MICAL2: variants seen among roughly 807,000 people sequenced by gnomAD.
MICAL2 encodes [F-actin]-monooxygenase MICAL2.
Under a neutral mutation model 127.3 loss-of-function variants are expected in MICAL2, and 77 were observed. The observed-to-expected ratio is 0.60, with a 90% CI of 0.50 to 0.73. The LOEUF (loss-of-function observed/expected upper bound fraction) is 0.73, where lower values mean the gene tolerates loss of function less well. Ranked by LOEUF, MICAL2 falls within the 30% of genes least tolerant of loss-of-function variation. The pLI is 0.00. For synonymous variants in MICAL2, 570 were observed against 551.1 expected (o/e 1.03, Z -0.48); for missense variants, 1,351 against 1,434.4 (o/e 0.94, Z 0.94).
At chr11:12,261,229 G>A (rs578017015) in intron 26 of MICAL2, 40 of 985,516 alleles carry the variant, frequency 4.1e-5, no homozygotes, top group East Asian at 1.1e-4. Context: ...TAGCTGCTCC[G>A]CTGCCACACA....
At chr11:12,293,987 G>A (rs778452719), downstream of MICAL2, 20 of 1,614,066 alleles carry the variant, frequency 1.2e-5, no homozygotes, top group Non-Finnish European at 1.7e-5. Context: ...CCTCACTCAG[G>A]AGCAGAAGAC....
At chr11:12,118,464 C>T (rs1196821206) in intron 1 of MICAL2, among the ~76,000 whole-genome samples, 2 of 152,188 alleles carry the variant, frequency 1.3e-5, no homozygotes, top group Non-Finnish European at 2.9e-5. Flanking sequence ...GAAGAAGCAA[C>T]CAGGATGTAA....
At chr11:12,358,486 C>CCGTA, downstream of MICAL2, 1 of 1,612,222 alleles carries the variant, frequency 6.2e-7, no homozygotes, top group East Asian at 2.2e-5. Context: ...TTGAGGAGGC[C>CCGTA]CGTAGTCCCT....
intron 16 of MICAL2, 145 bp from the exon 17 acceptor site, chr11:12,239,291 G>A (rs986463554): frequency 8.6e-6 from 9 of 1,050,448 alleles, no homozygotes; most frequent in Non-Finnish European, 1.2e-5. Flanking sequence ...TGCGGGGGTG[G>A]CCCTGCTGCC....
intron 2 of MICAL2, among the ~76,000 whole-genome samples, chr11:12,152,462 C>T (rs79355113): frequency 0.029 from 4,468 of 152,198 alleles, 117 homozygotes; most frequent in Non-Finnish European, 0.04. Context: ...ACCACCCACT[C>T]TGTATAGGAA....
intron 3 of MICAL2, among the ~76,000 whole-genome samples, chr11:12,196,411 A>G (rs1859932335): frequency 6.6e-6 from 1 of 152,164 alleles, no homozygotes; most frequent in Admixed American, 6.5e-5. Context: ...TGGGATATTC[A>G]GGGTTGAGCA....
At chr11:12,262,456 C>A in intron 26 of MICAL2, 24 bp from the exon 27 acceptor site, 1 of 1,613,330 alleles carries the variant, frequency 6.2e-7, no homozygotes, top group East Asian at 2.2e-5. Flanking sequence ...CTCTCTCTTT[C>A]CAATCTTACG....
chr11:12,275,116 A>G (rs1424414137), upstream of MICAL2, among the ~76,000 whole-genome samples: 1 of 152,190 alleles, frequency 6.6e-6, no homozygotes, highest in East Asian at 1.9e-4. Context: ...GCAGTCAAAG[A>G]TGCTGGCGAG....
rs192455018 is a variant in MICAL2 at position 12,132,921 on chromosome 11, G to A, written c.-148-5469G>A. Among the ~76,000 whole-genome samples the A allele has an allele frequency of 1.1e-3, 175 of 152,282 alleles. 1 individual carries two copies. Among genetic ancestry groups the A allele is most frequent in the African/African-American group, 4.1e-3 (172 of 41,554 alleles). Reference sequence around the variant, plus strand: ...TTAGTTTATGCCCATGCAGACTTCGGTGCTGGGTTCCCTGGGGCTTGTGGA... The same window carrying A: ...TTAGTTTATGCCCATGCAGACTTCGATGCTGGGTTCCCTGGGGCTTGTGGA... On this transcript the variant is annotated intron_variant, in intron 1 of 27. Coordinates refer to ENST00000683283, the MANE Select transcript of MICAL2 (RefSeq NM_001282663.2).
chr11:12,226,403 C>G, intron 14 of MICAL2, 33 bp downstream of exon 14: 3 of 1,599,934 alleles, frequency 1.9e-6, no homozygotes, highest in Non-Finnish European at 2.6e-6. Context: ...TGCTTAGCCC[C>G]TTGAGCCAAC....
intron 32 of MICAL2, among the ~76,000 whole-genome samples, chr11:12,330,887 G>C (rs549348492): frequency 3.9e-4 from 50 of 126,688 alleles, no homozygotes; most frequent in African/African-American, 1.5e-3. Context: ...GAGAGACAGA[G>C]AGAGAGAGAG....
chr11:12,147,868 G>T (rs1418743614), intron 2 of MICAL2, among the ~76,000 whole-genome samples: 1 of 152,216 alleles, frequency 6.6e-6, no homozygotes, highest in Non-Finnish European at 1.5e-5. Flanking sequence ...ACCTCAGGCT[G>T]CAGGGATTCT....
chr11:12,258,332 C>T (rs1862611025), intron 24 of MICAL2, 136 bp from the exon 25 acceptor site: 1 of 681,594 alleles, frequency 1.5e-6, no homozygotes, highest in Admixed American at 2.4e-5. Flanking sequence ...AGCCGTTTCC[C>T]AAGTTTGAGC....
intron 1 of MICAL2, among the ~76,000 whole-genome samples, chr11:12,136,472 A>C (rs528172072): frequency 6.6e-6 from 1 of 152,258 alleles, no homozygotes; most frequent in South Asian, 2.1e-4. Flanking sequence ...ATACCTGTAC[A>C]CAGGTTAATC....
At chr11:12,129,330 A>G (rs1801197156) in intron 1 of MICAL2, among the ~76,000 whole-genome samples, 1 of 152,154 alleles carries the variant, frequency 6.6e-6, no homozygotes, top group African/African-American at 2.4e-5. Context: ...ACACATTCCC[A>G]TTCATATTTC....
chr11:12,221,786 C>A (rs1459512560), intron 10 of MICAL2, 27 bp downstream of exon 10: 3 of 1,589,634 alleles, frequency 1.9e-6, no homozygotes, highest in Non-Finnish European at 1.7e-6. Context: ...GGGCTCCTAA[C>A]TGGGGGGCAG....
At chr11:12,195,660 T>C (rs1184624464) in intron 3 of MICAL2, among the ~76,000 whole-genome samples, 1 of 151,178 alleles carries the variant, frequency 6.6e-6, no homozygotes, top group East Asian at 1.9e-4. Flanking sequence ...GAGTTGAATA[T>C]GAAGAAAAAT....
upstream of MICAL2, among the ~76,000 whole-genome samples, chr11:12,273,041 A>T (rs7124605): frequency 0.07 from 10,722 of 152,216 alleles, 1,203 homozygotes; most frequent in African/African-American, 0.24. Context: ...AGGGAGGGAG[A>T]AAAGAACTGG....
intron 4 of MICAL2, among the ~76,000 whole-genome samples, chr11:12,207,189 C>G (rs1329238135): frequency 6.6e-6 from 1 of 152,100 alleles, no homozygotes; most frequent in Non-Finnish European, 1.5e-5. Flanking sequence ...CCACTAAGGC[C>G]CTGTTCTACC....
Sources: gnomAD v4.1 joint callset for allele counts (sites outside exome capture counted in the v4.1 genomes callset) on GRCh38, gnomAD v4.1.1 for gene constraint, MANE v1.5 for transcripts, NCBI Gene and HGNC (gene_info 2026-07-23, HGNC 2026-07-21) for gene names.